The following DNAJB6 variants were observed in gnomAD, a reference collection of about 807,000 sequenced individuals.
DNAJB6 encodes the protein dnaJ homolog subfamily B member 6.
DNAJB6 carries 16 observed loss-of-function variants against 42.7 expected under a neutral mutation model. That is an observed-to-expected ratio of 0.37 (90% CI 0.25 to 0.57). The LOEUF is 0.57. Among genes scored for constraint, DNAJB6 ranks in the 20% least tolerant of loss-of-function variants. DNAJB6 has a pLI of 0.74. For missense variants in DNAJB6, 347 were observed against 416.8 expected (o/e 0.83, Z 1.46); for synonymous variants, 170 against 163.5 (o/e 1.04, Z -0.30).
At chr7:157,350,794 A>T (rs1798931347) in intron 1 of DNAJB6, among the ~76,000 whole-genome samples, 1 of 151,716 alleles carries the variant, frequency 6.6e-6, no homozygotes, top group African/African-American at 2.4e-5. Context: ...GGTTCAAGTG[A>T]GTCTCCTGCC....
intron 8 of DNAJB6, among the ~76,000 whole-genome samples, chr7:157,401,288 G>T (rs1795509439): frequency 6.6e-6 from 1 of 152,044 alleles, no homozygotes; most frequent in African/African-American, 2.4e-5. Flanking sequence ...GCGCCATCTT[G>T]GTTCACCGCT....
At chr7:157,378,516 G>A (rs7789841) in intron 5 of DNAJB6, 1 of 152,122 alleles carries the variant, frequency 6.6e-6, no homozygotes, top group Non-Finnish European at 1.5e-5. Context: ...CGCGCTGTAT[G>A]GTTGTGCGTT....
intron 1 of DNAJB6, among the ~76,000 whole-genome samples, chr7:157,355,435 C>T (rs1260397374): frequency 1.3e-5 from 2 of 152,248 alleles, no homozygotes; most frequent in Non-Finnish European, 2.9e-5. Context: ...GGTGGGATTA[C>T]AGGCGTGAGC....
intron 5 of DNAJB6, among the ~76,000 whole-genome samples, chr7:157,368,139 G>A (rs1464622716): frequency 6.6e-6 from 1 of 152,148 alleles, no homozygotes; most frequent in Non-Finnish European, 1.5e-5. Flanking sequence ...CACAGTAGCT[G>A]TAAAATCTTT....
At chr7:157,409,139 C>CT (rs1314652103) in intron 8 of DNAJB6, among the ~76,000 whole-genome samples, 5 of 152,034 alleles carry the variant, frequency 3.3e-5, no homozygotes, top group African/African-American at 4.8e-5. Context: ...TTCCATATTT[C>CT]TTTTTTTTAA....
At position 157,365,778 on chromosome 7, in the gene DNAJB6, C is replaced by T. The variant is rs140536782; in HGVS notation, c.176-724C>T. Reference sequence around the variant, plus strand: ...CTCCTGGGTTCAAGCGATTCTCCTGCTTCAGTCCCCTGAGTAGCTGGGATC... The same window carrying T: ...CTCCTGGGTTCAAGCGATTCTCCTGTTTCAGTCCCCTGAGTAGCTGGGATC... On this transcript the variant is annotated intron_variant, in intron 3 of 9. Coordinates refer to ENST00000262177, the MANE Select transcript of DNAJB6 (RefSeq NM_058246.4). Among the ~76,000 whole-genome samples the T allele has an allele frequency of 4.9e-3, 743 of 152,286 alleles. 14 individuals carry two copies. The highest frequency in any genetic ancestry group is 0.018 in the Admixed American group (274 of 15,306).
At position 157,371,118 on chromosome 7, in the gene DNAJB6, G is replaced by C. The variant is rs147469166; in HGVS notation, c.346+3635G>C. On this transcript the variant is annotated intron_variant, in intron 5 of 9. Coordinates refer to ENST00000262177, the MANE Select transcript of DNAJB6 (RefSeq NM_058246.4). ...ACTGCACACGCGAGGGACCTAGGTT[G>C]CGCATTCCTCATCAGAATCCAGTAT... 4.6e-5 allele frequency among the ~76,000 whole-genome samples: 7 copies of C among 152,266 alleles called. No individual in the cohort carries two copies. The East Asian group carries it at 1.4e-3, about 29-fold the overall frequency.
chr7:157,369,858 CCTT>C (rs1326640221), intron 5 of DNAJB6, among the ~76,000 whole-genome samples: 4 of 150,910 alleles, frequency 2.7e-5, no homozygotes, highest in Admixed American at 6.6e-5. Context: ...TAAACGGGCC[CCTT>C]CTTCACATTA....
intron 8 of DNAJB6, among the ~76,000 whole-genome samples, chr7:157,405,712 G>C (rs1035824311): frequency 6.6e-6 from 1 of 152,208 alleles, no homozygotes; most frequent in African/African-American, 2.4e-5. Context: ...CCGAACCTCA[G>C]GGCTGATCCC....
At chr7:157,374,238 G>A (rs1031957154) in intron 5 of DNAJB6, among the ~76,000 whole-genome samples, 2 of 152,108 alleles carry the variant, frequency 1.3e-5, no homozygotes, top group African/African-American at 4.8e-5. Context: ...AACTCCTCGT[G>A]TTGAGATGGA....
intron 2 of DNAJB6, among the ~76,000 whole-genome samples, chr7:157,361,374 G>A (rs539599288): frequency 6.6e-6 from 1 of 152,210 alleles, no homozygotes; most frequent in South Asian, 2.1e-4. Flanking sequence ...GGCCAGGATG[G>A]TCTCGATCTC....
chr7:157,355,567 G>GGTGCTGTGGGTT (rs1332314191), intron 1 of DNAJB6, among the ~76,000 whole-genome samples: 1 of 152,174 alleles, frequency 6.6e-6, no homozygotes, highest in Non-Finnish European at 1.5e-5. Context: ...GTCTGTGGGT[G>GGTGCTGTGGGTT]GTGCTGTGGG....
At chr7:157,415,976 T>C in intron 9 of DNAJB6, 40 bp from the exon 10 acceptor site, 1 of 1,613,936 alleles carries the variant, frequency 6.2e-7, no homozygotes, top group Non-Finnish European at 8.5e-7. Context: ...GGGGAAGCAG[T>C]GCTGTTCCGT....
intron 1 of DNAJB6, among the ~76,000 whole-genome samples, chr7:157,343,747 A>G (rs1436960318): frequency 6.6e-6 from 1 of 152,174 alleles, no homozygotes; most frequent in Non-Finnish European, 1.5e-5. Context: ...CCCACGCCTA[A>G]TCTTTATGTG....
intron 1 of DNAJB6, among the ~76,000 whole-genome samples, chr7:157,355,455 C>T (rs1006121248): frequency 1.3e-5 from 2 of 152,222 alleles, no homozygotes; most frequent in Admixed American, 6.5e-5. Context: ...CCACCGCACC[C>T]GGCCAGCATT....
intron 1 of DNAJB6, among the ~76,000 whole-genome samples, chr7:157,343,587 G>A (rs976054940): frequency 2.0e-5 from 3 of 152,032 alleles, no homozygotes; most frequent in African/African-American, 7.2e-5. Flanking sequence ...GCCTCACCTG[G>A]AACTACAGGC....
chr7:157,352,598 G>C (rs1339435447), intron 1 of DNAJB6, among the ~76,000 whole-genome samples: 2 of 152,104 alleles, frequency 1.3e-5, no homozygotes, highest in African/African-American at 4.8e-5. Flanking sequence ...TCAGGCGGCT[G>C]TCTGTGTGCC....
At position 157,358,934 on chromosome 7, in the gene DNAJB6, T is replaced by C. The variant is rs3802098; in HGVS notation, c.65+297T>C. ...CTTTGAAAATGGAGCTGACTTGGCA[T>C]TCTTGAGTGCCCCTTTGGAAGGCAG... On this transcript the variant is annotated intron_variant, in intron 2 of 9. Transcript: ENST00000262177. Among the ~76,000 whole-genome samples, 106,182 of 152,090 alleles carry C rather than the reference T, an allele frequency of 0.7. 37,799 individuals are homozygous for C. The highest frequency in any genetic ancestry group is 0.85 in the African/African-American group (35,209 of 41,504).
chr7:157,349,043 A>AT (rs749475501), intron 1 of DNAJB6, among the ~76,000 whole-genome samples: 22 of 151,514 alleles, frequency 1.5e-4, no homozygotes, highest in African/African-American at 2.9e-4. Context: ...GTCTTTTTAA[A>AT]TTTTTTTTTA....
Sources: allele counts gnomAD v4.1 joint callset (sites outside exome capture counted in the v4.1 genomes callset), GRCh38; gene constraint gnomAD v4.1.1; transcripts MANE v1.5; gene names NCBI Gene and HGNC (gene_info 2026-07-23, HGNC 2026-07-21).